FRMD5: variants seen among roughly 807,000 people sequenced by gnomAD.
FRMD5 encodes FERM domain-containing protein 5.
A neutral mutation model predicts 69.0 loss-of-function variants in FRMD5; 20 were observed. That is an observed-to-expected ratio of 0.29 (90% confidence interval 0.20 to 0.42). FRMD5 has a LOEUF of 0.42. Among genes scored for constraint, FRMD5 ranks in the 10% least tolerant of loss-of-function variants. The probability of loss-of-function intolerance (pLI) is 1.00; values close to 1 mark genes in which losing one functional copy is unlikely to be tolerated. For missense variants in FRMD5, 595 were observed against 708.6 expected (o/e 0.84, Z 1.82); for synonymous variants, 271 against 260.1 (o/e 1.04, Z -0.40).
chr15:44,135,028 T>C (rs1157283800), intron 1 of FRMD5, among the ~76,000 whole-genome samples: 1 of 152,140 alleles, frequency 6.6e-6, no homozygotes, highest in Non-Finnish European at 1.5e-5. Context: ...GAAAAGAGAC[T>C]ATTGAGGGAT....
chr15:44,131,914 C>T (rs535669357), intron 1 of FRMD5, among the ~76,000 whole-genome samples: 17 of 124,946 alleles, frequency 1.4e-4, no homozygotes, highest in Non-Finnish European at 2.4e-4. Flanking sequence ...GATTCAAGTG[C>T]TTTACATTTA....
rs1177793152 is a variant in FRMD5, at chr15:43,874,167, TCCC to T, written c.1428_1430del (p.Gly477del). 4 of 1,613,976 alleles carry T rather than the reference TCCC, an allele frequency of 2.5e-6. No individual in the cohort carries two copies. Among genetic ancestry groups the T allele is most frequent in the Non-Finnish European group, 3.4e-6 (4 of 1,180,012 alleles). On this transcript the variant is annotated inframe_deletion, in exon 14 of 14. Transcript: ENST00000417257. ...GCCCCTGACACAGGGCCCTCAGCTCTCCCCCAAGGGCCTCCACCTCTGTAGCAG... is the reference window on the plus strand; with the variant it reads ...GCCCCTGACACAGGGCCCTCAGCTCTCCAAGGGCCTCCACCTCTGTAGCAG...
In FRMD5 at chr15:43,873,035, T is replaced by C. The variant is rs2088203209; in HGVS notation, c.*850A>G. ...CAGAACTATCTATCTCTGGTACCAC[T>C]GAATTCGTTTAACGCCCCTGGAGCA... On this transcript the variant is annotated 3_prime_UTR_variant, in exon 14 of 14. Coordinates refer to ENST00000417257, the MANE Select transcript of FRMD5 (RefSeq NM_032892.5). The C allele has an allele frequency of 2.9e-6, 2 of 699,604 alleles. No homozygotes were observed. The highest frequency in any genetic ancestry group is 1.8e-5 in the African/African-American group (1 of 55,536). 43.3% of individuals were successfully genotyped at this position (699,604 alleles called of 1,614,324 possible).
intron 4 of FRMD5, 37 bp downstream of exon 4, chr15:43,919,422 C>T (rs755224359): frequency 2.5e-6 from 4 of 1,577,870 alleles, no homozygotes; most frequent in Non-Finnish European, 3.5e-6. Flanking sequence ...TGCTCTCCAA[C>T]AGGTCCTAAT....
chr15:44,057,977 G>A (rs907827171), intron 1 of FRMD5, among the ~76,000 whole-genome samples: 1 of 152,188 alleles, frequency 6.6e-6, no homozygotes. Context: ...CACATCCATA[G>A]TTTGGATCAG....
chr15:43,906,003 T>G, intron 5 of FRMD5, 52 bp from the exon 6 acceptor site: 1 of 1,611,120 alleles, frequency 6.2e-7, no homozygotes, highest in Non-Finnish European at 8.5e-7. Context: ...TAAATCATCA[T>G]TGACAAAGCA....
In FRMD5 at chr15:43,973,792, ATT is replaced by A. The variant is rs1471244673; in HGVS notation, c.103-49485_103-49484del. On this transcript the variant is annotated intron_variant, in intron 1 of 13. Coordinates refer to ENST00000417257, the MANE Select transcript of FRMD5 (RefSeq NM_032892.5). The stretch of plus-strand genomic sequence containing the variant: ...TTTCCTTAATACAACCCAAACCTCT[ATT>A]TGGTTTTAGAGAAACTTATATACCA... 2.6e-5 allele frequency among the ~76,000 whole-genome samples: 4 copies of A among 151,496 alleles called. No individual in the cohort carries two copies. In the South Asian group the frequency reaches 8.4e-4, roughly 32 times the overall value.
chr15:43,904,180 C>T (rs551187723), intron 6 of FRMD5, among the ~76,000 whole-genome samples: 27 of 152,232 alleles, frequency 1.8e-4, no homozygotes, highest in African/African-American at 6.3e-4. Context: ...TTGGTAAAAT[C>T]ATTGAGTGAA....
At chr15:43,993,806 G>T (rs779193197) in intron 1 of FRMD5, among the ~76,000 whole-genome samples, 3 of 152,144 alleles carry the variant, frequency 2.0e-5, no homozygotes, top group Non-Finnish European at 4.4e-5. Flanking sequence ...GTCTCTTGAT[G>T]AACTGACCTC....
chr15:43,976,217 T>G (rs995497278), intron 1 of FRMD5, among the ~76,000 whole-genome samples: 1 of 151,722 alleles, frequency 6.6e-6, no homozygotes, highest in African/African-American at 2.4e-5. Flanking sequence ...AGGCAAATAC[T>G]TCTTAAATAT....
chr15:44,179,643 A>AAC (rs1566988580), intron 1 of FRMD5, among the ~76,000 whole-genome samples: 1 of 152,176 alleles, frequency 6.6e-6, no homozygotes, highest in East Asian at 1.9e-4. Context: ...TCACAGAGGG[A>AAC]ACACACACAC....
chr15:44,152,629 A>AT (rs541450887), intron 1 of FRMD5, among the ~76,000 whole-genome samples: 171 of 151,746 alleles, frequency 1.1e-3, no homozygotes, highest in African/African-American at 3.8e-3. Flanking sequence ...CTTGGCCTTA[A>AT]TTTTTTTTTA....
At chr15:44,041,744 C>T (rs1199392656) in intron 1 of FRMD5, among the ~76,000 whole-genome samples, 2 of 152,010 alleles carry the variant, frequency 1.3e-5, no homozygotes, top group Non-Finnish European at 2.9e-5. Context: ...AGAACAAAGA[C>T]ACAACGTACC....
chr15:43,884,713 C>A lies in FRMD5; in HGVS notation c.1028+14G>T, dbSNP rs747170687. 2.5e-6 allele frequency: 4 copies of A among 1,612,542 alleles called. No individual in the cohort carries two copies. The South Asian group carries it at 4.4e-5, about 18-fold the overall frequency. On this transcript the variant is annotated intron_variant, in intron 12 of 13. Transcript: ENST00000417257. ...GAGCTACAACTGTTTGGGGGGAAGC[C>A]CCTGGCAGCCTACCTGTGTATTTCC...
At chr15:44,194,717 G>T in intron 1 of FRMD5, 1 of 625,226 alleles carries the variant, frequency 1.6e-6, no homozygotes, top group Non-Finnish European at 2.9e-6. Flanking sequence ...GTAGGACTTA[G>T]GGGTGTGGGA....
At chr15:44,010,479 C>A (rs941664958) in intron 1 of FRMD5, among the ~76,000 whole-genome samples, 2 of 150,600 alleles carry the variant, frequency 1.3e-5, no homozygotes, top group Non-Finnish European at 1.5e-5. Context: ...CTCACTGCAA[C>A]CTCCATCTCC....
At chr15:44,022,033 C>T (rs1219643434) in intron 1 of FRMD5, among the ~76,000 whole-genome samples, 1 of 151,876 alleles carries the variant, frequency 6.6e-6, no homozygotes, top group African/African-American at 2.4e-5. Context: ...ATAAGCCAGA[C>T]ACAAAAGGAA....
Position 44,008,632 on chromosome 15 carries a change from C to T in FRMD5, c.103-84323G>A, listed in dbSNP as rs147186393. On this transcript the variant is annotated intron_variant, in intron 1 of 13. Coordinates refer to ENST00000417257, the MANE Select transcript of FRMD5 (RefSeq NM_032892.5). The stretch of plus-strand genomic sequence containing the variant: ...GTAAAATTTTGTGTAAATGTATTTT[C>T]ATTGTGGAAGCTAATACTTGCATCA... Among the ~76,000 whole-genome samples the T allele has an allele frequency of 3.6e-3, 545 of 152,150 alleles. 5 individuals carry two copies. The highest frequency in any genetic ancestry group is 0.012 in the African/African-American group (516 of 41,514).
intron 1 of FRMD5, among the ~76,000 whole-genome samples, chr15:44,014,971 T>C (rs1317935200): frequency 6.6e-6 from 1 of 152,102 alleles, no homozygotes; most frequent in Non-Finnish European, 1.5e-5. Context: ...GTGGGTATGG[T>C]TTATTAAATA....
Sources: gnomAD v4.1 joint callset for allele counts (sites outside exome capture counted in the v4.1 genomes callset) on GRCh38, gnomAD v4.1.1 for gene constraint, MANE v1.5 for transcripts, NCBI Gene and HGNC (gene_info 2026-07-23, HGNC 2026-07-21) for gene names.